Variants in SORCS2 observed in about 807,000 individuals in gnomAD.
SORCS2 encodes sortilin related VPS10 domain containing receptor 2.
SORCS2 carries 100 observed loss-of-function variants against 141.6 expected under a neutral mutation model. That is an observed-to-expected ratio of 0.71 (90% CI 0.60 to 0.83). The LOEUF (loss-of-function observed/expected upper bound fraction) is 0.83, where lower values mean the gene tolerates loss of function less well. SORCS2 is among the 40% of genes least tolerant of loss of function. The probability of loss-of-function intolerance (pLI) is 0.00; values close to 1 mark genes in which losing one functional copy is unlikely to be tolerated. For synonymous variants in SORCS2, 789 were observed against 676.9 expected, an observed-to-expected ratio of 1.17 and a Z score of -2.57; for missense variants, 1,646 against 1,560.2, an observed-to-expected ratio of 1.05 and a Z score of -0.93.
At chr4:7,578,313 C>T (rs914575474) in intron 3 of SORCS2, among the ~76,000 whole-genome samples, 1 of 152,154 alleles carries the variant, frequency 6.6e-6, no homozygotes, top group African/African-American at 2.4e-5. Context: ...AATCACTTTC[C>T]TTAATAAATT....
intron 3 of SORCS2, among the ~76,000 whole-genome samples, chr4:7,593,879 A>G (rs1187108561): frequency 2.6e-5 from 4 of 152,230 alleles, no homozygotes; most frequent in African/African-American, 4.8e-5. Flanking sequence ...CTGGCAGAAG[A>G]AGGCGCTACT....
chr4:7,421,274 C>G (rs1726027576), intron 2 of SORCS2, among the ~76,000 whole-genome samples: 3 of 152,250 alleles, frequency 2.0e-5, no homozygotes, highest in African/African-American at 7.2e-5. Context: ...GTTCCCACAG[C>G]TTCTCCTGTG....
chr4:7,488,334 T>C (rs904270063), intron 2 of SORCS2, among the ~76,000 whole-genome samples: 1 of 152,172 alleles, frequency 6.6e-6, no homozygotes, highest in Non-Finnish European at 1.5e-5. Context: ...AGAGTCCTGC[T>C]CCTGACAAAC....
intron 8 of SORCS2, among the ~76,000 whole-genome samples, chr4:7,675,115 G>T (rs80240748): frequency 0.016 from 2,503 of 152,332 alleles, 32 homozygotes; most frequent in Non-Finnish European, 0.027. Context: ...TTTGTTGCTG[G>T]CTGGGCAAGA....
intron 2 of SORCS2, among the ~76,000 whole-genome samples, chr4:7,472,425 G>T (rs189750152): frequency 1.1e-4 from 17 of 152,306 alleles, no homozygotes; most frequent in African/African-American, 3.4e-4. Context: ...AGGGGATGGC[G>T]TGGAGTGTCC....
chr4:7,222,840 C>G (rs1348144335), intron 1 of SORCS2, among the ~76,000 whole-genome samples: 1 of 152,042 alleles, frequency 6.6e-6, no homozygotes, highest in Non-Finnish European at 1.5e-5. Flanking sequence ...TGGGGCTGGC[C>G]TGGGGAGGGT....
intron 2 of SORCS2, among the ~76,000 whole-genome samples, chr4:7,464,900 C>T (rs536134517): frequency 6.6e-5 from 10 of 152,308 alleles, no homozygotes; most frequent in South Asian, 6.2e-4. Flanking sequence ...TAAAAGCCGG[C>T]GCCTCCGGCC....
At chr4:7,616,478 CCT>C (rs1457289918) in intron 3 of SORCS2, among the ~76,000 whole-genome samples, 1 of 152,130 alleles carries the variant, frequency 6.6e-6, no homozygotes, top group African/African-American at 2.4e-5. Flanking sequence ...TCCTCTAGCC[CCT>C]GAGCTACCCT....
chr4:7,492,613 G>A (rs1251702518), intron 2 of SORCS2, among the ~76,000 whole-genome samples: 1 of 152,184 alleles, frequency 6.6e-6, no homozygotes, highest in Non-Finnish European at 1.5e-5. Context: ...TAATTTTGAG[G>A]AACGTCTGTA....
In SORCS2 at chr4:7,330,145, T is replaced by G. The variant is rs1719557173; in HGVS notation, c.481-66143T>G. On this transcript the variant is annotated intron_variant, in intron 1 of 26. Transcript: ENST00000507866. ...CATTGCCGCCTGTCCTGGCTCCTGC[T>G]TGGTCGTCCAATCTCCCTCTTCCTC... is the stretch of plus-strand genomic sequence containing the variant. 2.0e-5 allele frequency among the ~76,000 whole-genome samples: 3 copies of G among 151,822 alleles called. No individual in the cohort carries two copies. The South Asian group carries it at 6.2e-4, about 32-fold the overall frequency.
chr4:7,674,609 A>C (rs1722998204), intron 8 of SORCS2, among the ~76,000 whole-genome samples: 1 of 140,908 alleles, frequency 7.1e-6, no homozygotes, highest in South Asian at 2.3e-4. Flanking sequence ...AAAAAAAGCA[A>C]CCCTCTCCTT....
At chr4:7,619,082 C>T (rs1020428891) in intron 3 of SORCS2, among the ~76,000 whole-genome samples, 17 of 152,142 alleles carry the variant, frequency 1.1e-4, no homozygotes, top group African/African-American at 1.7e-4. Flanking sequence ...GCCTGTGCTA[C>T]GTGTCTCTGG....
chr4:7,668,133 G>A (rs1055267639), intron 8 of SORCS2, among the ~76,000 whole-genome samples: 1 of 152,186 alleles, frequency 6.6e-6, no homozygotes, highest in Non-Finnish European at 1.5e-5. Context: ...GAAGCCCCAG[G>A]TTCCTGCTCC....
At position 7,463,896 on chromosome 4, in the gene SORCS2, T is replaced by A. The variant is rs555141512; in HGVS notation, c.548+67541T>A. ...GATACAGTAGCAGAGACTGGGGAGG[T>A]GCGGAGGCTGGTGATTTCAAACAGG... is the stretch of plus-strand genomic sequence containing the variant. On this transcript the variant is annotated intron_variant, in intron 2 of 26. Coordinates refer to ENST00000507866, the MANE Select transcript of SORCS2 (RefSeq NM_020777.3). 5.5e-4 allele frequency among the ~76,000 whole-genome samples: 84 copies of A among 152,114 alleles called. 1 individual carries two copies. The highest frequency in any genetic ancestry group is 6.8e-3 in the Middle Eastern group (2 of 294).
intron 2 of SORCS2, among the ~76,000 whole-genome samples, chr4:7,528,071 C>A (rs931993690): frequency 6.6e-6 from 1 of 150,798 alleles, no homozygotes; most frequent in African/African-American, 2.4e-5. Context: ...CTCCCCCCAA[C>A]ACCAGCCAGC....
chr4:7,376,333 T>C (rs924176332), intron 1 of SORCS2, among the ~76,000 whole-genome samples: 2 of 151,616 alleles, frequency 1.3e-5, no homozygotes, highest in African/African-American at 4.9e-5. Flanking sequence ...TCCCAGCACT[T>C]TGGGAAGCCA....
At chr4:7,409,821 C>T (rs142209326) in intron 2 of SORCS2, among the ~76,000 whole-genome samples, 3 of 152,274 alleles carry the variant, frequency 2.0e-5, no homozygotes, top group African/African-American at 4.8e-5. Context: ...TGCTGGTGAT[C>T]ATCTCAGTGT....
chr4:7,473,492 C>A (rs1250754921), intron 2 of SORCS2, among the ~76,000 whole-genome samples: 1 of 152,204 alleles, frequency 6.6e-6, no homozygotes, highest in Non-Finnish European at 1.5e-5. Context: ...CAGGCAGAGG[C>A]AGCAGGAGAT....
At chr4:7,596,070 T>A (rs1560413759) in intron 3 of SORCS2, among the ~76,000 whole-genome samples, 2 of 152,204 alleles carry the variant, frequency 1.3e-5, no homozygotes, top group Admixed American at 1.3e-4. Flanking sequence ...GCAGCACTCA[T>A]CCTCACAAAT....
Sources: gnomAD v4.1 joint callset for allele counts (sites outside exome capture counted in the v4.1 genomes callset) on GRCh38, gnomAD v4.1.1 for gene constraint, MANE v1.5 for transcripts, NCBI Gene and HGNC (gene_info 2026-07-23, HGNC 2026-07-21) for gene names.